FAM53A: variants seen among roughly 807,000 people sequenced by gnomAD.
FAM53A encodes family with sequence similarity 53 member A, also known as protein FAM53A.
A neutral mutation model predicts 26.6 loss-of-function variants in FAM53A; 28 were observed. That is an observed-to-expected ratio of 1.05 (90% CI 0.78 to 1.45). The LOEUF is 1.45. FAM53A is among the 40% of genes most tolerant of loss of function. The pLI is 0.00. For synonymous variants in FAM53A, 290 were observed against 253.1 expected, an observed-to-expected ratio of 1.15 and a Z score of -1.38; for missense variants, 650 against 575.8, an observed-to-expected ratio of 1.13 and a Z score of -1.32.
chr4:1,575,400 C>G, the FAM53A span, among the ~76,000 whole-genome samples: 2 of 152,280 alleles, frequency 1.3e-5, no homozygotes, highest in African/African-American at 4.8e-5. Context: ...TGCAGATCAT[C>G]CAGTCTGAGT....
At chr4:1,626,619 G>A (rs1267565435) in intron 1 of FAM53A, among the ~76,000 whole-genome samples, 2 of 148,456 alleles carry the variant, frequency 1.3e-5, no homozygotes, top group Non-Finnish European at 3.0e-5. Flanking sequence ...TTGCATCTGG[G>A]GGACCCGGGA....
the FAM53A span, among the ~76,000 whole-genome samples, chr4:1,589,007 T>A: frequency 6.6e-6 from 1 of 152,240 alleles, no homozygotes. Flanking sequence ...ATTCTATTCA[T>A]CCTGGTGACG....
intron 1 of FAM53A, among the ~76,000 whole-genome samples, chr4:1,678,708 G>T (rs892000158): frequency 1.3e-5 from 2 of 152,036 alleles, no homozygotes; most frequent in Admixed American, 1.3e-4. Flanking sequence ...TGTAATCCCA[G>T]CTACTCGGGA....
intron 1 of FAM53A, among the ~76,000 whole-genome samples, chr4:1,676,806 A>G (rs377700735): frequency 2.0e-5 from 3 of 152,140 alleles, no homozygotes; most frequent in South Asian, 4.2e-4. Context: ...CCGTGTGAAC[A>G]TTTTGTCAAG....
At chr4:1,625,003 G>A (rs1311538631) in intron 1 of FAM53A, among the ~76,000 whole-genome samples, 3 of 142,086 alleles carry the variant, frequency 2.1e-5, no homozygotes, top group Admixed American at 1.4e-4. Context: ...GTGATCAGAA[G>A]GCCCCACGTC....
Position 1,640,642 on chromosome 4 carries a change from CCGG to C in FAM53A, c.*648_*650del. 1 of 377,350 alleles carries C rather than the reference CCGG, an allele frequency of 2.7e-6. No homozygotes were observed. The highest frequency in any genetic ancestry group is 2.0e-5 in the South Asian group (1 of 48,910). The allele number at this position is 377,350 out of a possible 1,614,324, so 23.4% of individuals were successfully genotyped here. Reference sequence around the variant, plus strand: ...CCTACTCTGTGCCCCAGGGCAGGTGCCGGCAGCAGCCATGGCCCCGACCAGCTC... The same window carrying C: ...CCTACTCTGTGCCCCAGGGCAGGTGCCAGCAGCCATGGCCCCGACCAGCTC... On this transcript the variant is annotated 3_prime_UTR_variant, in exon 5 of 5. Coordinates refer to ENST00000308132, the MANE Select transcript of FAM53A (RefSeq NM_001174070.3).
downstream of FAM53A, among the ~76,000 whole-genome samples, chr4:1,637,675 G>C (rs1715908416): frequency 6.6e-6 from 1 of 152,012 alleles, no homozygotes; most frequent in East Asian, 1.9e-4. Context: ...CACTGCAGCA[G>C]TGCTGGGGGC....
intron 2 of FAM53A, among the ~76,000 whole-genome samples, chr4:1,658,166 A>G (rs1324477818): frequency 6.6e-6 from 1 of 151,298 alleles, no homozygotes; most frequent in Non-Finnish European, 1.5e-5. Flanking sequence ...AGCTGCCACC[A>G]CGCCCAGCTA....
Position 1,644,389 on chromosome 4 carries a change from T to C in FAM53A, c.883-2782A>G, listed in dbSNP as rs758476771. Reference sequence around the variant, plus strand: ...CTCTGAACGCCTCTGGACGACACAGTCGGTGCAGGAGAAAAAACTTCTGCC... The same window carrying C: ...CTCTGAACGCCTCTGGACGACACAGCCGGTGCAGGAGAAAAAACTTCTGCC... On this transcript the variant is annotated intron_variant, in intron 4 of 4. Coordinates refer to ENST00000308132, the MANE Select transcript of FAM53A (RefSeq NM_001174070.3). 4.6e-6 allele frequency: 7 copies of C among 1,528,440 alleles called. No individual in the cohort carries two copies. In the South Asian group the frequency reaches 8.4e-5, roughly 18 times the overall value. The allele number at this position is 1,528,440 out of a possible 1,614,324, so 94.7% of individuals were successfully genotyped here.
rs117090817 is a variant in FAM53A at position 1,674,261 on chromosome 4, G to A, written c.-164-5356C>T. 2.6e-4 allele frequency among the ~76,000 whole-genome samples: 40 copies of A among 152,198 alleles called. No homozygotes were observed. The East Asian group carries it at 4.4e-3, about 17-fold the overall frequency. The stretch of plus-strand genomic sequence containing the variant: ...GCAATCTCTGCCTCTGTCACCATGC[G>A]GCCTTCTCCCCAGCGCCACAGAGTC... On this transcript the variant is annotated intron_variant, in intron 1 of 4. Coordinates refer to ENST00000308132, the MANE Select transcript of FAM53A (RefSeq NM_001174070.3).
chr4:1,667,724 CA>C (rs1714336924), intron 2 of FAM53A, among the ~76,000 whole-genome samples: 1 of 152,178 alleles, frequency 6.6e-6, no homozygotes, highest in Admixed American at 6.5e-5. Flanking sequence ...CAAGGGGCTA[CA>C]AATGCAACGT....
intron 1 of FAM53A, among the ~76,000 whole-genome samples, chr4:1,625,159 G>C (rs56252105): frequency 2.4e-5 from 1 of 42,146 alleles, no homozygotes; most frequent in East Asian, 4.5e-4. Flanking sequence ...AAGGCCCCAC[G>C]TCCCGGCCCA....
intron 4 of FAM53A, chr4:1,645,045 G>A (rs1712109108): frequency 6.6e-6 from 1 of 152,484 alleles, no homozygotes; most frequent in Admixed American, 6.5e-5. Flanking sequence ...CACAGCCAAG[G>A]CGGCCCTGGC....
At position 1,657,440 on chromosome 4, in the gene FAM53A, T is replaced by C. The variant is rs1577128895; in HGVS notation, c.104A>G (p.Lys35Arg). 17 of 1,613,778 alleles carry C rather than the reference T, an allele frequency of 1.1e-5. No individual in the cohort carries two copies. In the East Asian group the frequency reaches 3.8e-4, roughly 36 times the overall value. The stretch of plus-strand genomic sequence containing the variant: ...CTCCAAAGGGAACAGACGACCGCTC[T>C]TGTTCAGGGTTTCCGCAGAATACTG... ...PLQYSAETLNKSGRLFPLELN... is the reference protein window; with the variant it reads ...PLQYSAETLNRSGRLFPLELN... The change falls in exon 3 of 5, where the codon AAG becomes AGG. Residue 35 changes from lysine (K) to arginine (R), a missense_variant. Coordinates refer to ENST00000308132, the MANE Select transcript of FAM53A (RefSeq NM_001174070.3).
At chr4:1,684,727 G>C (rs1446541346), upstream of FAM53A, among the ~76,000 whole-genome samples, 2 of 151,426 alleles carry the variant, frequency 1.3e-5, no homozygotes, top group African/African-American at 4.9e-5. Flanking sequence ...CCCGAGGCTC[G>C]CCGCCGCCGC....
chr4:1,578,098 C>A, the FAM53A span, among the ~76,000 whole-genome samples: 1 of 152,108 alleles, frequency 6.6e-6, no homozygotes, highest in Non-Finnish European at 1.5e-5. Context: ...GACCTTCAGG[C>A]GCCTGGGAAG....
the FAM53A span, among the ~76,000 whole-genome samples, chr4:1,577,490 A>C: frequency 7.9e-5 from 12 of 152,154 alleles, no homozygotes; most frequent in East Asian, 1.2e-3. Context: ...GAGTGGCCCC[A>C]GCAGCAGCGG....
At chr4:1,665,964 ATATCTAAAATAAAACCTGCACCTGCACC>A (rs1714193213) in intron 2 of FAM53A, among the ~76,000 whole-genome samples, 1 of 56,324 alleles carries the variant, frequency 1.8e-5, no homozygotes. Context: ...CTGCACCCCC[ATATCTAAAATAAAACCTGCACCTGCACC>A]CCCTGTATCT....
chr4:1,617,210 C>T (rs1312498927), downstream of FAM53A, among the ~76,000 whole-genome samples: 1 of 144,160 alleles, frequency 6.9e-6, no homozygotes, highest in African/African-American at 3.0e-5. Flanking sequence ...CATGTTTTGT[C>T]TGCTCAGTCT....
Sources: allele counts gnomAD v4.1 joint callset (sites outside exome capture counted in the v4.1 genomes callset), GRCh38; gene constraint gnomAD v4.1.1; transcripts MANE v1.5; gene names NCBI Gene and HGNC (gene_info 2026-07-23, HGNC 2026-07-21).